Variants in MRTFA observed in about 807,000 individuals in gnomAD.
MRTFA encodes the protein myocardin related transcription factor A.
In MRTFA, 20 loss-of-function variants were observed where a neutral mutation model predicts 83.5. The ratio of observed to expected loss-of-function variants is 0.24; its 90% CI spans 0.17 to 0.35. The LOEUF (loss-of-function observed/expected upper bound fraction) is 0.35, where lower values mean the gene tolerates loss of function less well. MRTFA is among the 10% of genes least tolerant of loss of function. The probability of loss-of-function intolerance (pLI) is 1.00; values close to 1 mark genes in which losing one functional copy is unlikely to be tolerated. For missense variants in MRTFA, 1,200 were observed against 1,224.7 expected (o/e 0.98, Z 0.30); for synonymous variants, 659 against 541.2 (o/e 1.22, Z -3.02).
chr22:40,564,946 T>C (rs982065878), intron 2 of MRTFA, among the ~76,000 whole-genome samples: 1 of 152,248 alleles, frequency 6.6e-6, no homozygotes, highest in African/African-American at 2.4e-5. Context: ...CCACCCTGCC[T>C]GGCCAAAGTT....
intron 2 of MRTFA, among the ~76,000 whole-genome samples, chr22:40,553,816 C>A (rs1050330387): frequency 6.6e-6 from 1 of 152,150 alleles, no homozygotes; most frequent in Non-Finnish European, 1.5e-5. Flanking sequence ...TAGCTTGCAC[C>A]ATACACCTGG....
intron 4 of MRTFA, among the ~76,000 whole-genome samples, chr22:40,451,677 T>C (rs1368094566): frequency 6.6e-6 from 1 of 152,144 alleles, no homozygotes; most frequent in East Asian, 1.9e-4. Context: ...TTCCAAAAGG[T>C]TAACATACCA....
rs551072823 is a variant in MRTFA, at chr22:40,538,567, A to G, written c.241+13539T>C. Among the ~76,000 whole-genome samples, 318 of 75,490 alleles carry G rather than the reference A, an allele frequency of 4.2e-3. 3 individuals carry two copies. In the East Asian group the frequency reaches 0.05, roughly 12 times the overall value. The allele number at this position is 75,490 out of a possible 152,430, so 49.5% of individuals were successfully genotyped here. A position where few individuals can be genotyped will look rare whatever the true frequency, so the allele number is the denominator to read the frequency against. ...AGAAACACCCAAGAATTATCAATAAAAAAATAAATTAAAAAAAAAATTAAA... is the reference window on the plus strand; with the variant it reads ...AGAAACACCCAAGAATTATCAATAAGAAAATAAATTAAAAAAAAAATTAAA... On this transcript the variant is annotated intron_variant, in intron 3 of 14. Transcript: ENST00000355630.
chr22:40,418,486 T>C lies in MRTFA; in HGVS notation c.2252A>G (p.Lys751Arg). The C allele has an allele frequency of 2.5e-6, 4 of 1,612,490 alleles. No homozygotes were observed. Among genetic ancestry groups the C allele is most frequent in the Non-Finnish European group, 3.4e-6 (4 of 1,179,238 alleles). Residue 751 changes from lysine to arginine, a missense_variant, in exon 12 of 15, where the codon AAG becomes AGG. By Grantham distance (26) the Lys-to-Arg change is conservative. Coordinates refer to ENST00000355630, the MANE Select transcript of MRTFA (RefSeq NM_020831.6). ...GATGAGGGTGGGAGGTGCAACCCCC[T>C]TGATGAGGCTGGGGCCCTGAGGCCC...
At chr22:40,505,228 A>G (rs532651362) in intron 3 of MRTFA, among the ~76,000 whole-genome samples, 2 of 152,358 alleles carry the variant, frequency 1.3e-5, no homozygotes, top group East Asian at 3.9e-4. Flanking sequence ...GCCCCTGCTA[A>G]CGATAACATC....
At chr22:40,471,863 C>T (rs543934411) in intron 3 of MRTFA, among the ~76,000 whole-genome samples, 40 of 152,180 alleles carry the variant, frequency 2.6e-4, no homozygotes, top group African/African-American at 9.6e-4. Context: ...CAGAGCAAAA[C>T]CATCTCAAAA....
chr22:40,534,646 T>A (rs1044707538), intron 3 of MRTFA, among the ~76,000 whole-genome samples: 1 of 152,198 alleles, frequency 6.6e-6, no homozygotes, highest in Non-Finnish European at 1.5e-5. Flanking sequence ...AGTGCTGGGA[T>A]TACAGGCATG....
In MRTFA at chr22:40,419,292, G is replaced by T. The variant is rs372129489; in HGVS notation, c.1446C>A (p.Asp482Glu). The T allele has an allele frequency of 8.1e-6, 13 of 1,613,838 alleles. No individual in the cohort carries two copies. The African/African-American group carries it at 1.7e-4, about 22-fold the overall frequency. The change falls in exon 12 of 15, where the codon GAC becomes GAA. Residue 482 changes from aspartate to glutamate, a missense_variant. By Grantham distance (45) the Asp-to-Glu change is conservative (BLOSUM62 2). This residue lies in a region of MRTFA where 1,107 missense variants were observed against 1,041.8 expected (regional missense o/e 1.06). Transcript: ENST00000355630. ...GGGCTCCTGGCACAGGGCTGATTTG[G>T]TCTTGATAGGCTCGAAGGCGCTCAA...
At chr22:40,461,508 G>A (rs1487928065) in intron 4 of MRTFA, among the ~76,000 whole-genome samples, 4 of 151,048 alleles carry the variant, frequency 2.6e-5, no homozygotes, top group Admixed American at 1.3e-4. Flanking sequence ...AATGAAGGCC[G>A]GACACAGTGG....
intron 3 of MRTFA, among the ~76,000 whole-genome samples, chr22:40,511,483 C>G (rs541060514): frequency 1.8e-4 from 28 of 152,336 alleles, no homozygotes; most frequent in South Asian, 1.2e-3. Flanking sequence ...GATACATATA[C>G]ACGTATCACA....
At chr22:40,618,849 G>A (rs2147429216) in intron 1 of MRTFA, among the ~76,000 whole-genome samples, 1 of 151,634 alleles carries the variant, frequency 6.6e-6, no homozygotes, top group Non-Finnish European at 1.5e-5. Flanking sequence ...TGTAATCCCA[G>A]CTATTTAGGT....
At chr22:40,441,373 C>G (rs2053270332) in intron 4 of MRTFA, among the ~76,000 whole-genome samples, 1 of 152,244 alleles carries the variant, frequency 6.6e-6, no homozygotes, top group South Asian at 2.1e-4. Context: ...TTTGTTCCCT[C>G]TTTCCAGCAC....
chr22:40,463,191 T>C, intron 4 of MRTFA, 30 bp downstream of exon 4: 1 of 1,599,602 alleles, frequency 6.3e-7, no homozygotes, highest in Non-Finnish European at 8.6e-7. Context: ...AAAAGCAATC[T>C]ACCAAATGCT....
chr22:40,410,315 G>C lies in MRTFA; in HGVS notation c.*1075C>G, dbSNP rs2052452959. 1 of 402,440 alleles carries C rather than the reference G, an allele frequency of 2.5e-6. No individual in the cohort carries two copies. Among genetic ancestry groups the C allele is most frequent in the Non-Finnish European group, 3.6e-6 (1 of 274,602 alleles). The allele number at this position is 402,440 out of a possible 1,614,324, so 24.9% of individuals were successfully genotyped here. A position where few individuals can be genotyped will look rare whatever the true frequency, so the allele number is the denominator to read the frequency against. Reference sequence around the variant, plus strand: ...TGTGTTTTTGTGTTTATTTTAAAAAGTTCACACACCTTCCCCATCTTTGTC... The same window carrying C: ...TGTGTTTTTGTGTTTATTTTAAAAACTTCACACACCTTCCCCATCTTTGTC... On this transcript the variant is annotated 3_prime_UTR_variant, in exon 15 of 15. Coordinates refer to ENST00000355630, the MANE Select transcript of MRTFA (RefSeq NM_020831.6).
chr22:40,525,492 AC>A (rs1377012408), intron 3 of MRTFA, among the ~76,000 whole-genome samples: 2 of 152,110 alleles, frequency 1.3e-5, no homozygotes, highest in African/African-American at 4.8e-5. Context: ...ACAGAGCAAG[AC>A]CCTGTCTCAC....
intron 4 of MRTFA, among the ~76,000 whole-genome samples, chr22:40,449,080 A>T (rs934451905): frequency 6.6e-6 from 1 of 152,134 alleles, no homozygotes; most frequent in Non-Finnish European, 1.5e-5. Flanking sequence ...CCCGGCTAAA[A>T]TAGTGAAACC....
chr22:40,413,861 CAG>C (rs2052617715), intron 14 of MRTFA, among the ~76,000 whole-genome samples: 2 of 152,196 alleles, frequency 1.3e-5, no homozygotes, highest in African/African-American at 4.8e-5. Context: ...CACTAAATGA[CAG>C]AAATGCAAAC....
intron 3 of MRTFA, among the ~76,000 whole-genome samples, chr22:40,530,196 G>C (rs550655374): frequency 6.6e-6 from 1 of 152,294 alleles, no homozygotes; most frequent in Admixed American, 6.5e-5. Flanking sequence ...CCAAGTCCTA[G>C]CATTTCTCCA....
intron 3 of MRTFA, among the ~76,000 whole-genome samples, chr22:40,495,533 T>C (rs969363249): frequency 3.4e-5 from 5 of 147,254 alleles, no homozygotes; most frequent in African/African-American, 1.3e-4. Flanking sequence ...CCGAGGTGAA[T>C]GGAACACTTG....
Sources: allele counts gnomAD v4.1 joint callset (sites outside exome capture counted in the v4.1 genomes callset), GRCh38; gene constraint gnomAD v4.1.1; regional missense constraint gnomAD v4.1.1; transcripts MANE v1.5; gene names NCBI Gene and HGNC (gene_info 2026-07-23, HGNC 2026-07-21).